PSMA5: variants seen among roughly 807,000 people sequenced by gnomAD.
PSMA5 encodes the protein proteasome 20S subunit alpha 5, also known as proteasome subunit alpha type-5.
PSMA5 carries 3 observed loss-of-function variants against 34.5 expected under a neutral mutation model. That is an observed-to-expected ratio of 0.09 (90% CI 0.04 to 0.22). The LOEUF is 0.22. Among genes scored for constraint, PSMA5 ranks in the 10% least tolerant of loss-of-function variants. The pLI, the probability that PSMA5 is intolerant of heterozygous loss-of-function variation, is 1.00. For missense variants in PSMA5, 120 were observed against 286.1 expected (o/e 0.42, Z 4.19); for synonymous variants, 88 against 95.8 (o/e 0.92, Z 0.47).
chr1:109,426,088 G>A (rs1654645021), intron 1 of PSMA5: 2 of 622,274 alleles, frequency 3.2e-6, no homozygotes, highest in Admixed American at 5.8e-5. Flanking sequence ...CACCGAGTTA[G>A]GACCCAGGGG....
At chr1:109,411,189 A>C (rs1330385427) in intron 6 of PSMA5, 76 bp from the exon 7 acceptor site, 1 of 1,007,440 alleles carries the variant, frequency 9.9e-7, no homozygotes, top group Non-Finnish European at 1.5e-6. Flanking sequence ...TCACTAAAAC[A>C]AAGTATAAAT....
chr1:109,408,962 A>G (rs1455472205), intron 8 of PSMA5, among the ~76,000 whole-genome samples: 1 of 152,114 alleles, frequency 6.6e-6, no homozygotes, highest in East Asian at 1.9e-4. Context: ...AAGTGCTGGG[A>G]TTACAGGCCA....
rs1468305666 is a variant in PSMA5 at position 109,400,924 on chromosome 1, T to C, written c.*1089A>G. The stretch of plus-strand genomic sequence containing the variant: ...CAAGTACTTTTCAAATCTCCAGATT[T>C]CCCTATTACTCAAGAGCTGGTGATC... On this transcript the variant is annotated 3_prime_UTR_variant, in exon 9 of 9. Coordinates refer to ENST00000271308, the MANE Select transcript of PSMA5 (RefSeq NM_002790.4). 2 of 152,172 alleles carry C rather than the reference T, an allele frequency of 1.3e-5. No homozygotes were observed. Among genetic ancestry groups the C allele is most frequent in the African/African-American group, 4.8e-5 (2 of 41,442 alleles). The allele number at this position is 152,172 out of a possible 1,614,324, so 9.4% of individuals were successfully genotyped here.
At chr1:109,426,254 G>C in intron 1 of PSMA5, 48 bp downstream of exon 1, 2 of 1,610,960 alleles carry the variant, frequency 1.2e-6, no homozygotes, top group Non-Finnish European at 1.7e-6. Flanking sequence ...CCAGGTCCCG[G>C]GCCTGCCCAC....
chr1:109,413,638 G>A (rs1286212642), intron 3 of PSMA5, among the ~76,000 whole-genome samples: 1 of 152,176 alleles, frequency 6.6e-6, no homozygotes, highest in Admixed American at 6.5e-5. Context: ...TCACGATTAT[G>A]GCTATAACTG....
chr1:109,422,992 G>A (rs76945952), intron 1 of PSMA5, among the ~76,000 whole-genome samples: 3,511 of 152,308 alleles, frequency 0.023, 142 homozygotes, highest in African/African-American at 0.079. Context: ...CAAGTGTGCT[G>A]GAAATCCCTA....
In PSMA5 at chr1:109,426,384, C is replaced by T. The variant is rs1477892332; in HGVS notation, c.-54G>A. The T allele has an allele frequency of 2.4e-5, 38 of 1,607,078 alleles. No individual in the cohort carries two copies. The highest frequency in any genetic ancestry group is 2.9e-5 in the Non-Finnish European group (34 of 1,173,774). On this transcript the variant is annotated 5_prime_UTR_variant, in exon 1 of 9. Transcript: ENST00000271308. ...GCGGGGATTCTGAGGACCAACACGA[C>T]TCCACCGGCACCCAACTCACCGGCA...
rs746362516 is a variant in PSMA5 at position 109,426,342 on chromosome 1, G to A, written c.-12C>T. On this transcript the variant is annotated 5_prime_UTR_variant, in exon 1 of 9. Transcript: ENST00000271308. The stretch of plus-strand genomic sequence containing the variant: ...CGGGTAAGAAACATGGCGAGGGTAG[G>A]AGGAGGCAGCGGCTACGCGGGGATT... 6.2e-7 allele frequency: 1 copy of A among 1,614,112 alleles called. No homozygotes were observed. Among genetic ancestry groups the A allele is most frequent in the East Asian group, 2.2e-5 (1 of 44,854 alleles).
At chr1:109,421,018 CAAAAAAAAAAA>C (rs60663577) in intron 2 of PSMA5, among the ~76,000 whole-genome samples, 1 of 87,716 alleles carries the variant, frequency 1.1e-5, no homozygotes, top group African/African-American at 4.2e-5. Flanking sequence ...ACATCTCTAC[CAAAAAAAAAAA>C]AAAAAAAAAA....
intron 2 of PSMA5, among the ~76,000 whole-genome samples, chr1:109,420,253 T>C (rs2100972560): frequency 6.6e-6 from 1 of 152,238 alleles, no homozygotes. Flanking sequence ...TCATGATATA[T>C]ATGGAGAGGG....
chr1:109,423,238 A>G (rs1011007470), intron 1 of PSMA5, among the ~76,000 whole-genome samples: 1 of 152,228 alleles, frequency 6.6e-6, no homozygotes, highest in African/African-American at 2.4e-5. Flanking sequence ...CAGGAGTTCG[A>G]GACCAGGCTG....
intron 7 of PSMA5, among the ~76,000 whole-genome samples, chr1:109,410,762 C>T (rs750551616): frequency 1.3e-5 from 2 of 152,116 alleles, no homozygotes; most frequent in African/African-American, 2.4e-5. Context: ...CTGTTTAATT[C>T]CATTTATAAC....
Position 109,409,956 on chromosome 1 carries a change from T to G in PSMA5, c.620A>C (p.Glu207Ala). The G allele has an allele frequency of 6.2e-7, 1 of 1,608,610 alleles. No homozygotes were observed. Among genetic ancestry groups the G allele is most frequent in the Non-Finnish European group, 8.5e-7 (1 of 1,176,502 alleles). The change falls in exon 8 of 9, where the codon GAG becomes GCG. Residue 207 changes from glutamate to alanine, a missense_variant. Glu to Ala is a moderately radical substitution (Grantham distance 107). This residue lies in a region of PSMA5 where 83 missense variants were observed against 203.2 expected (regional missense o/e 0.41). Transcript: ENST00000271308. ...SSLIILKQVMEEKLNATNIEL... is the reference protein window; with the variant it reads ...SSLIILKQVMAEKLNATNIEL... ...AATGTTTGTTGCATTCAGCTTCTCC[T>G]CCATTACTTGTTTGAGGATGATGAG... is the stretch of plus-strand genomic sequence containing the variant.
chr1:109,415,472 C>T (rs1654153168), intron 2 of PSMA5, 109 bp from the exon 3 acceptor site: 1 of 1,203,118 alleles, frequency 8.3e-7, no homozygotes, highest in South Asian at 2.0e-5. Flanking sequence ...CAACTGGCCA[C>T]ATCTTATAGG....
intron 4 of PSMA5, chr1:109,412,659 G>C (rs1192152348): frequency 5.7e-6 from 1 of 174,028 alleles, no homozygotes; most frequent in African/African-American, 2.4e-5. Context: ...TCCCTGACCA[G>C]TATTTGTCAG....
chr1:109,424,717 G>C (rs574243907), intron 1 of PSMA5, among the ~76,000 whole-genome samples: 1 of 152,062 alleles, frequency 6.6e-6, no homozygotes, highest in Non-Finnish European at 1.5e-5. Flanking sequence ...GGCCAGGCGC[G>C]GTGGCTCACT....
intron 6 of PSMA5, 120 bp downstream of exon 6, chr1:109,411,757 T>C (rs776329799): frequency 6.1e-5 from 59 of 961,164 alleles, no homozygotes; most frequent in Non-Finnish European, 8.6e-5. Flanking sequence ...TTCAAGTAGC[T>C]GGGACTACAG....
At chr1:109,416,415 T>C (rs1654201361) in intron 2 of PSMA5, among the ~76,000 whole-genome samples, 1 of 152,212 alleles carries the variant, frequency 6.6e-6, no homozygotes, top group Admixed American at 6.5e-5. Context: ...AGCCACGTTA[T>C]CTCCTACCCT....
intron 1 of PSMA5, among the ~76,000 whole-genome samples, chr1:109,423,386 C>A (rs1038026661): frequency 1.3e-5 from 2 of 152,184 alleles, no homozygotes; most frequent in Non-Finnish European, 2.9e-5. Context: ...TTGCAGTGAG[C>A]CGAGATGGTG....
Sources: allele counts gnomAD v4.1 joint callset (sites outside exome capture counted in the v4.1 genomes callset), GRCh38; gene constraint gnomAD v4.1.1; regional missense constraint gnomAD v4.1.1; transcripts MANE v1.5; gene names NCBI Gene and HGNC (gene_info 2026-07-23, HGNC 2026-07-21).